Variants in COL24A1 observed in about 807,000 individuals in gnomAD.
COL24A1 encodes collagen type XXIV alpha 1 chain.
In COL24A1, 224 loss-of-function variants were observed where a neutral mutation model predicts 253.9. The observed-to-expected ratio is 0.88, with a 90% confidence interval of 0.79 to 0.99. The LOEUF (loss-of-function observed/expected upper bound fraction) is 0.99, where lower values mean the gene tolerates loss of function less well. Ranked by LOEUF, COL24A1 falls within the 50% of genes least tolerant of loss-of-function variation. COL24A1 has a pLI of 0.00. For synonymous variants in COL24A1, 685 were observed against 673.7 expected, an observed-to-expected ratio of 1.02 and a Z score of -0.26; for missense variants, 2,131 against 2,068.5, an observed-to-expected ratio of 1.03 and a Z score of -0.59.
intron 52 of COL24A1, among the ~76,000 whole-genome samples, chr1:85,776,053 T>C (rs1376331391): frequency 6.6e-6 from 1 of 152,166 alleles, no homozygotes; most frequent in Non-Finnish European, 1.5e-5. Flanking sequence ...GTTAAATTCT[T>C]CTAATAATTG....
intron 59 of COL24A1, among the ~76,000 whole-genome samples, chr1:85,731,823 A>C (rs1438909627): frequency 6.6e-6 from 1 of 152,210 alleles, no homozygotes; most frequent in African/African-American, 2.4e-5. Flanking sequence ...ACTCAGGGAA[A>C]GCTTCATGAA....
intron 45 of COL24A1, among the ~76,000 whole-genome samples, chr1:85,821,656 G>T (rs1378547615): frequency 2.0e-5 from 3 of 152,096 alleles, no homozygotes; most frequent in Non-Finnish European, 2.9e-5. Context: ...GTGCCCTTGG[G>T]TTGTATGCCA....
At chr1:85,827,521 C>G (rs1211827878) in intron 43 of COL24A1, among the ~76,000 whole-genome samples, 1 of 151,844 alleles carries the variant, frequency 6.6e-6, no homozygotes, top group Non-Finnish European at 1.5e-5. Context: ...CTCCTTGTAC[C>G]TCTGGTAGAA....
intron 24 of COL24A1, among the ~76,000 whole-genome samples, chr1:85,933,404 G>T (rs75895793): frequency 0.021 from 3,180 of 151,804 alleles, 112 homozygotes; most frequent in African/African-American, 0.072. Context: ...AATCTATCAC[G>T]ATTGGTTGGG....
intron 52 of COL24A1, among the ~76,000 whole-genome samples, chr1:85,777,279 A>T (rs1475434151): frequency 6.6e-6 from 1 of 152,010 alleles, no homozygotes; most frequent in Non-Finnish European, 1.5e-5. Context: ...ACAGCACTTT[A>T]AAAAAATATA....
At chr1:85,846,127 G>C (rs1677115168) in intron 39 of COL24A1, among the ~76,000 whole-genome samples, 1 of 151,572 alleles carries the variant, frequency 6.6e-6, no homozygotes, top group African/African-American at 2.4e-5. Flanking sequence ...TTTCAGAAAA[G>C]CAGAAAACAG....
chr1:86,006,386 G>C (rs1180938759), intron 19 of COL24A1, among the ~76,000 whole-genome samples: 1 of 152,176 alleles, frequency 6.6e-6, no homozygotes, highest in East Asian at 1.9e-4. Flanking sequence ...CTTTGACAAA[G>C]GAGCGAAGGC....
chr1:85,730,736 A>T (rs764279338), intron 59 of COL24A1, 44 bp from the exon 60 acceptor site: 31 of 1,597,912 alleles, frequency 1.9e-5, no homozygotes, highest in Non-Finnish European at 2.4e-5. Context: ...TTTCATTAGC[A>T]GTCACTTTCA....
intron 19 of COL24A1, among the ~76,000 whole-genome samples, chr1:86,005,922 C>G (rs1431830560): frequency 6.6e-6 from 1 of 152,046 alleles, no homozygotes; most frequent in African/African-American, 2.4e-5. Context: ...ATACCAAGAA[C>G]AAACTAATGA....
At chr1:85,972,130 C>T (rs189195251) in intron 20 of COL24A1, among the ~76,000 whole-genome samples, 4 of 152,226 alleles carry the variant, frequency 2.6e-5, no homozygotes, top group African/African-American at 9.6e-5. Context: ...CCTAATTATT[C>T]AAGATGCCAG....
At chr1:85,806,522 G>A (rs924567106) in intron 47 of COL24A1, among the ~76,000 whole-genome samples, 6 of 152,164 alleles carry the variant, frequency 3.9e-5, no homozygotes, top group Non-Finnish European at 8.8e-5. Context: ...ATAAATTACT[G>A]TGGCTGTGTT....
chr1:85,934,159 CA>C (rs1247132831), intron 24 of COL24A1, among the ~76,000 whole-genome samples: 1 of 152,058 alleles, frequency 6.6e-6, no homozygotes, highest in African/African-American at 2.4e-5. Flanking sequence ...TTAAGTGATG[CA>C]AGAAAGAGAG....
intron 5 of COL24A1, among the ~76,000 whole-genome samples, chr1:86,110,762 C>T (rs1436435513): frequency 6.6e-6 from 1 of 152,160 alleles, no homozygotes; most frequent in Non-Finnish European, 1.5e-5. Flanking sequence ...TCTCGCTGGG[C>T]CTCAACCGCC....
chr1:86,133,861 A>T (rs1240345717), intron 2 of COL24A1, among the ~76,000 whole-genome samples: 1 of 152,182 alleles, frequency 6.6e-6, no homozygotes, highest in Admixed American at 6.5e-5. Context: ...TGCTGGCCTC[A>T]TCAAATGAGT....
Position 85,761,409 on chromosome 1 carries a change from G to A in COL24A1, c.4424C>T (p.Ala1475Val). Reference protein sequence around the residue: ...GQPGPPGPPGAPGPRKQMDIN... With the variant: ...GQPGPPGPPGVPGPRKQMDIN... ...AAGCAAACTTACTCTTGGGCCTGGT[G>A]CTCCAGGTGGACCCTAGAACACAGC... The change falls in exon 55 of 60, where the codon GCA becomes GTA. Residue 1475 changes from alanine (A) to valine (V), a missense_variant. Coordinates refer to ENST00000370571, the MANE Select transcript of COL24A1 (RefSeq NM_152890.7). The A allele has an allele frequency of 6.2e-7, 1 of 1,614,028 alleles. No homozygotes were observed. Among genetic ancestry groups the A allele is most frequent in the African/African-American group, 1.3e-5 (1 of 75,014 alleles).
chr1:85,988,100 T>TA (rs34090648), intron 19 of COL24A1, among the ~76,000 whole-genome samples: 81,509 of 147,376 alleles, frequency 0.55, 22,783 homozygotes, highest in Non-Finnish European at 0.61. Context: ...TTCTGTCTGA[T>TA]AAAAAAAAAA....
At chr1:86,017,300 A>T in intron 18 of COL24A1, 96 bp from the exon 19 acceptor site, 2 of 1,051,492 alleles carry the variant, frequency 1.9e-6, no homozygotes, top group Non-Finnish European at 2.7e-6. Context: ...GCAGTCAGTC[A>T]TTATATTATC....
chr1:86,050,071 C>A, intron 11 of COL24A1, 53 bp downstream of exon 11: 2 of 1,502,846 alleles, frequency 1.3e-6, no homozygotes, highest in Middle Eastern at 1.7e-4. Context: ...CCCCATTGTA[C>A]ATTATCACAA....
Position 86,126,225 on chromosome 1 carries a change from A to G in COL24A1, c.122-11T>C. On this transcript the variant is annotated splice_polypyrimidine_tract_variant and intron_variant, in intron 2 of 59. Transcript: ENST00000370571. ...GAAGAATATCTATGCCTGGAAATTT[A>G]AAAAAGAGAGAGAGAAAGAATCTTA... 6.4e-7 allele frequency: 1 copy of G among 1,559,112 alleles called. No homozygotes were observed. Among genetic ancestry groups the G allele is most frequent in the Non-Finnish European group, 8.6e-7 (1 of 1,162,306 alleles).
Sources: allele counts gnomAD v4.1 joint callset (sites outside exome capture counted in the v4.1 genomes callset), GRCh38; gene constraint gnomAD v4.1.1; transcripts MANE v1.5; gene names NCBI Gene and HGNC (gene_info 2026-07-23, HGNC 2026-07-21).